The following DDR2 variants were observed in gnomAD, a reference collection of about 807,000 sequenced individuals.
The protein encoded by DDR2 is discoidin domain-containing receptor 2.
DDR2 carries 27 observed loss-of-function variants against 94.9 expected under a neutral mutation model. The ratio of observed to expected loss-of-function variants is 0.28; its 90% confidence interval spans 0.21 to 0.39. The LOEUF (loss-of-function observed/expected upper bound fraction) is 0.39. Ranked by LOEUF, DDR2 falls within the 10% of genes least tolerant of loss-of-function variation. The pLI, the probability that DDR2 is intolerant of heterozygous loss-of-function variation, is 1.00. For synonymous variants in DDR2, 382 were observed against 377.2 expected (o/e 1.01, Z -0.15); for missense variants, 783 against 1,076.0 (o/e 0.73, Z 3.81).
chr1:162,772,527 T>C (rs1471209872), intron 13 of DDR2: 3 of 430,708 alleles, frequency 7.0e-6, no homozygotes, highest in Non-Finnish European at 1.3e-5. Context: ...TTCAAAAATG[T>C]TTACAATAGA....
chr1:162,712,856 A>C (rs1660981814), intron 2 of DDR2, among the ~76,000 whole-genome samples: 1 of 152,166 alleles, frequency 6.6e-6, no homozygotes, highest in Non-Finnish European at 1.5e-5. Flanking sequence ...TAGTGACCCA[A>C]GCAAGTCAAA....
chr1:162,768,441 G>A (rs568667249), intron 11 of DDR2, among the ~76,000 whole-genome samples: 60 of 152,318 alleles, frequency 3.9e-4, no homozygotes, highest in African/African-American at 1.4e-3. Context: ...CCTGAGGGCA[G>A]GGAATAGGAA....
At chr1:162,647,114 C>T (rs1657450055) in intron 1 of DDR2, among the ~76,000 whole-genome samples, 1 of 152,106 alleles carries the variant, frequency 6.6e-6, no homozygotes, top group Admixed American at 6.6e-5. Flanking sequence ...TTAATATACT[C>T]GGTCTAGACT....
At position 162,780,314 on chromosome 1, in the gene DDR2, C is replaced by T. The variant is rs2102212084; in HGVS notation, c.*68C>T. Reference sequence around the variant, plus strand: ...CTACAAGACCTACCACTCACCCATGCCTATGCCACTCCATCTGGACATTTA... The same window carrying T: ...CTACAAGACCTACCACTCACCCATGTCTATGCCACTCCATCTGGACATTTA... On this transcript the variant is annotated 3_prime_UTR_variant, in exon 18 of 18. Coordinates refer to ENST00000367921, the MANE Select transcript of DDR2 (RefSeq NM_006182.4). The T allele has an allele frequency of 6.2e-7, 1 of 1,606,218 alleles. No homozygotes were observed. The highest frequency in any genetic ancestry group is 8.5e-7 in the Non-Finnish European group (1 of 1,174,608).
chr1:162,676,158 G>A (rs1205389578), intron 2 of DDR2, among the ~76,000 whole-genome samples: 1 of 88,464 alleles, frequency 1.1e-5, no homozygotes, highest in Non-Finnish European at 3.4e-5. Context: ...ATGAGTGCAA[G>A]TGGACAGTCA....
At chr1:162,661,183 T>A (rs955962492) in intron 2 of DDR2, among the ~76,000 whole-genome samples, 2 of 152,162 alleles carry the variant, frequency 1.3e-5, no homozygotes, top group African/African-American at 4.8e-5. Flanking sequence ...ATTTAATATG[T>A]CCCTCCTCAA....
At chr1:162,638,725 G>T (rs1168079885) in intron 1 of DDR2, among the ~76,000 whole-genome samples, 1 of 152,186 alleles carries the variant, frequency 6.6e-6, no homozygotes, top group African/African-American at 2.4e-5. Flanking sequence ...CTCTTGAGAT[G>T]CAGGGGAGCA....
At chr1:162,767,490 C>G in intron 11 of DDR2, 131 bp downstream of exon 11, 1 of 1,358,934 alleles carries the variant, frequency 7.4e-7, no homozygotes. Context: ...TACCAAGAAA[C>G]ATAGGAATGA....
chr1:162,728,140 A>C (rs940804115), intron 3 of DDR2, among the ~76,000 whole-genome samples: 11 of 144,564 alleles, frequency 7.6e-5, no homozygotes, highest in Non-Finnish European at 1.5e-5. Context: ...ATATATATCT[A>C]TATATAGATA....
chr1:162,773,308 A>G (rs1647332506), intron 13 of DDR2, among the ~76,000 whole-genome samples, 161 bp from the exon 14 acceptor site: 1 of 152,148 alleles, frequency 6.6e-6, no homozygotes, highest in African/African-American at 2.4e-5. Context: ...AATCTTATCA[A>G]TTATTTGAAT....
chr1:162,719,478 G>A (rs1221327983), intron 3 of DDR2, among the ~76,000 whole-genome samples: 2 of 152,058 alleles, frequency 1.3e-5, no homozygotes, highest in African/African-American at 4.8e-5. Context: ...TAGATGTCTT[G>A]GAGAACTTCT....
intron 13 of DDR2, among the ~76,000 whole-genome samples, chr1:162,772,671 C>T (rs1328837604): frequency 6.6e-6 from 1 of 152,076 alleles, no homozygotes; most frequent in Non-Finnish European, 1.5e-5. Context: ...ACAACCTCGC[C>T]CCTGCCTTTG....
At chr1:162,758,480 T>C (rs1389770664) in intron 7 of DDR2, among the ~76,000 whole-genome samples, 1 of 152,208 alleles carries the variant, frequency 6.6e-6, no homozygotes, top group Admixed American at 6.5e-5. Flanking sequence ...TTCCTTTTAA[T>C]TTCTGTTGCT....
intron 2 of DDR2, among the ~76,000 whole-genome samples, chr1:162,702,858 C>A (rs1309410109): frequency 6.6e-6 from 1 of 152,176 alleles, no homozygotes; most frequent in African/African-American, 2.4e-5. Flanking sequence ...CTAGCTAACT[C>A]CCTTGGCTTC....
chr1:162,658,641 C>T (rs1210272898), intron 2 of DDR2, among the ~76,000 whole-genome samples: 3 of 135,970 alleles, frequency 2.2e-5, no homozygotes, highest in South Asian at 2.3e-4. Flanking sequence ...GCTTGGGCAA[C>T]GTGGCAAGAC....
intron 2 of DDR2, among the ~76,000 whole-genome samples, chr1:162,695,157 A>G (rs909479711): frequency 6.6e-6 from 1 of 152,240 alleles, no homozygotes; most frequent in Admixed American, 6.5e-5. Flanking sequence ...AATTTATTAC[A>G]GTCCCTTCAT....
At chr1:162,642,237 G>A (rs1400239287) in intron 1 of DDR2, among the ~76,000 whole-genome samples, 1 of 152,040 alleles carries the variant, frequency 6.6e-6, no homozygotes, top group Non-Finnish European at 1.5e-5. Context: ...GATTACAGGC[G>A]TAAGCCACCA....
intron 2 of DDR2, among the ~76,000 whole-genome samples, chr1:162,694,484 C>T (rs1223643484): frequency 6.6e-6 from 1 of 152,140 alleles, no homozygotes; most frequent in African/African-American, 2.4e-5. Flanking sequence ...TAGATCTCAG[C>T]TTAGATGTTG....
chr1:162,772,674 T>G (rs1399170829), intron 13 of DDR2, among the ~76,000 whole-genome samples: 1 of 152,170 alleles, frequency 6.6e-6, no homozygotes, highest in Non-Finnish European at 1.5e-5. Context: ...ACCTCGCCCC[T>G]GCCTTTGGTC....
Sources: gnomAD v4.1 joint callset for allele counts (sites outside exome capture counted in the v4.1 genomes callset) on GRCh38, gnomAD v4.1.1 for gene constraint, MANE v1.5 for transcripts, NCBI Gene and HGNC (gene_info 2026-07-23, HGNC 2026-07-21) for gene names.